The following SRSF6 variants were observed in gnomAD, a reference collection of about 807,000 sequenced individuals.
The protein encoded by SRSF6 is serine/arginine-rich splicing factor 6.
A neutral mutation model predicts 42.0 loss-of-function variants in SRSF6; 17 were observed. That is an observed-to-expected ratio of 0.40 (90% CI 0.28 to 0.61). The LOEUF is 0.61. SRSF6 is among the 20% of genes least tolerant of loss of function. SRSF6 has a pLI of 0.37. For missense variants in SRSF6, 379 were observed against 471.4 expected (o/e 0.80, Z 1.81); for synonymous variants, 204 against 166.7 (o/e 1.22, Z -1.72).
rs1209523826 is a variant in SRSF6, at chr20:43,458,093, C to T, written c.60C>T (p.Arg20=). The T allele has an allele frequency of 5.6e-6, 9 of 1,613,426 alleles. No homozygotes were observed. Among genetic ancestry groups the T allele is most frequent in the Non-Finnish European group, 7.6e-6 (9 of 1,179,652 alleles). The change falls in exon 1 of 6, where the codon CGC becomes CGT. Residue 20 remains arginine (R), a synonymous_variant. Coordinates refer to ENST00000244020, the MANE Select transcript of SRSF6 (RefSeq NM_006275.6). ...SYNVREKDIQ[R]FFSGYGRLLE... ...ACGTCCGGGAGAAGGACATCCAGCGCTTTTTCAGTGGCTATGGCCGCCTCC... is the reference window on the plus strand; with the variant it reads ...ACGTCCGGGAGAAGGACATCCAGCGTTTTTTCAGTGGCTATGGCCGCCTCC...
rs2017555555 is a variant in SRSF6, at chr20:43,459,899, T to C, written c.381+4T>C. 3 of 1,602,496 alleles carry C rather than the reference T, an allele frequency of 1.9e-6. No homozygotes were observed. The highest frequency in any genetic ancestry group is 1.3e-5 in the African/African-American group (1 of 74,292). On this transcript the variant is annotated splice_donor_region_variant and intron_variant, in intron 3 of 5. Coordinates refer to ENST00000244020, the MANE Select transcript of SRSF6 (RefSeq NM_006275.6). ...GTGCAGTTGGCAAGATTTAAAGGTA[T>C]GTTTTGTAATTCAAGATAGAAATGA...
At chr20:43,458,971 A>G (rs2017544342) in intron 2 of SRSF6, among the ~76,000 whole-genome samples, 1 of 152,148 alleles carries the variant, frequency 6.6e-6, no homozygotes, top group African/African-American at 2.4e-5. Flanking sequence ...ACTATTTTTA[A>G]GTAATGTGGT....
At chr20:43,459,090 G>A (rs2017546323) in intron 2 of SRSF6, 1 of 1,330,376 alleles carries the variant, frequency 7.5e-7, no homozygotes, top group Admixed American at 2.0e-5. Flanking sequence ...AATGTTTGAT[G>A]TTTAAATTGT....
rs1285148930 is a variant in SRSF6, at chr20:43,461,170, A to G, written c.*107A>G. The G allele has an allele frequency of 5.6e-5, 77 of 1,376,950 alleles. No homozygotes were observed. The East Asian group carries it at 1.0e-3, about 18-fold the overall frequency. 85.3% of individuals were successfully genotyped at this position (1,376,950 alleles called of 1,614,324 possible). On this transcript the variant is annotated 3_prime_UTR_variant, in exon 6 of 6. Transcript: ENST00000244020. ...TCTGCAAGAGGAATCTCTTGAAAACAGGGGCACACAGAAATTTGATTTGTG... is the reference window on the plus strand; with the variant it reads ...TCTGCAAGAGGAATCTCTTGAAAACGGGGGCACACAGAAATTTGATTTGTG...
At position 43,460,851 on chromosome 20, in the gene SRSF6, A is replaced by G; in HGVS notation, c.823A>G (p.Arg275Gly). 6.2e-7 allele frequency: 1 copy of G among 1,614,226 alleles called. No homozygotes were observed. The highest frequency in any genetic ancestry group is 1.3e-5 in the African/African-American group (1 of 75,052). Reference sequence around the variant, plus strand: ...GGATGAGTATGAGAAATCTCGAAGCAGGTCTCGGTCCCGATCCCCTAAAGA... The same window carrying G: ...GGATGAGTATGAGAAATCTCGAAGCGGGTCTCGGTCCCGATCCCCTAAAGA... ...SKDEYEKSRS[R>G]SRSRSPKENG... Residue 275 changes from arginine (R) to glycine (G), a missense_variant, in exon 6 of 6, where the codon AGG becomes GGG. Physicochemically the swap from Arg to Gly is moderately radical, Grantham distance 125. Transcript: ENST00000244020.
In SRSF6 at chr20:43,461,839, A is replaced by T. The variant is rs1199944944; in HGVS notation, c.*776A>T. ...AGTAATGGAACTTTTTTCAAAGGCA[A>T]ATTTAAACTATTTAAGAAATAGCTC... On this transcript the variant is annotated 3_prime_UTR_variant, in exon 6 of 6. Coordinates refer to ENST00000244020, the MANE Select transcript of SRSF6 (RefSeq NM_006275.6). 1 of 152,466 alleles carries T rather than the reference A, an allele frequency of 6.6e-6. No individual in the cohort carries two copies. The highest frequency in any genetic ancestry group is 2.4e-5 in the African/African-American group (1 of 41,448). 9.4% of individuals were successfully genotyped at this position (152,466 alleles called of 1,614,324 possible). A position where few individuals can be genotyped will look rare whatever the true frequency, so the allele number is the denominator to read the frequency against.
rs1417631503 is a variant in SRSF6 at position 43,458,110 on chromosome 20, G to A, written c.77G>A (p.Gly26Asp). 2 of 1,613,468 alleles carry A rather than the reference G, an allele frequency of 1.2e-6. No individual in the cohort carries two copies. Among genetic ancestry groups the A allele is most frequent in the Non-Finnish European group, 1.7e-6 (2 of 1,179,620 alleles). The stretch of plus-strand genomic sequence containing the variant: ...ATCCAGCGCTTTTTCAGTGGCTATG[G>A]CCGCCTCCTCGAAGTAGACCTCAAA... The part of the protein sequence containing the change: ...KDIQRFFSGY[G>D]RLLEVDLKNG... The change falls in exon 1 of 6, where the codon GGC becomes GAC. Residue 26 changes from glycine to aspartate, a missense_variant. By Grantham distance (94) the Gly-to-Asp change is moderately conservative. Coordinates refer to ENST00000244020, the MANE Select transcript of SRSF6 (RefSeq NM_006275.6).
rs752337938 is a variant in SRSF6, at chr20:43,460,971, G to A, written c.943G>A (p.Val315Met). 8.1e-6 allele frequency: 13 copies of A among 1,614,064 alleles called. No individual in the cohort carries two copies. The South Asian group carries it at 1.4e-4, about 18-fold the overall frequency. Reference protein sequence around the residue: ...LPVPPSKARSVSPPPKRATSR... With the variant: ...LPVPPSKARSMSPPPKRATSR... ...TGTTCCACCCTCAAAGGCCCGTTCTGTGTCCCCTCCACCAAAAAGAGCTAC... is the reference window on the plus strand; with the variant it reads ...TGTTCCACCCTCAAAGGCCCGTTCTATGTCCCCTCCACCAAAAAGAGCTAC... The change falls in exon 6 of 6, where the codon GTG becomes ATG. Residue 315 changes from valine to methionine, a missense_variant. By Grantham distance (21) the Val-to-Met change is conservative (BLOSUM62 1). Around this residue, in one of 3 missense-constraint regions of SRSF6, gnomAD observed 219 missense variants for 216.1 expected, o/e 1.01. Coordinates refer to ENST00000244020, the MANE Select transcript of SRSF6 (RefSeq NM_006275.6).
Position 43,461,334 on chromosome 20 carries a change from G to GTTTTTTTGTT in SRSF6, c.*273_*274insTTTTTGTTTT, listed in dbSNP as rs1196378267. 1 of 56,458 alleles carries GTTTTTTTGTT rather than the reference G, an allele frequency of 1.8e-5. No individual in the cohort carries two copies. Among genetic ancestry groups the GTTTTTTTGTT allele is most frequent in the African/African-American group, 7.4e-5 (1 of 13,540 alleles). 3.5% of individuals were successfully genotyped at this position (56,458 alleles called of 1,614,324 possible). On this transcript the variant is annotated 3_prime_UTR_variant, in exon 6 of 6. Coordinates refer to ENST00000244020, the MANE Select transcript of SRSF6 (RefSeq NM_006275.6). ...TTTGTAAAGATTAAGCTCATTTAGT[G>GTTTTTTTGTT]TTGTTTTTTTTTTTTTTTTTTTTTT...
In SRSF6 at chr20:43,461,369, TTTTTTA is replaced by T. The variant is rs2017595624; in HGVS notation, c.*307_*312del. 1 of 185,570 alleles carries T rather than the reference TTTTTTA, an allele frequency of 5.4e-6. No homozygotes were observed. The highest frequency in any genetic ancestry group is 2.8e-5 in the African/African-American group (1 of 35,564). 11.5% of individuals were successfully genotyped at this position (185,570 alleles called of 1,614,324 possible). On this transcript the variant is annotated 3_prime_UTR_variant, in exon 6 of 6. Coordinates refer to ENST00000244020, the MANE Select transcript of SRSF6 (RefSeq NM_006275.6). ...TTTTTTTTTTTTTTTTTTTTTTTTT[TTTTTTA>T]GTATTTCAGCAGGATCTGCTGGCAG...
At position 43,457,990 on chromosome 20, in the gene SRSF6, C is replaced by T. The variant is rs774530261; in HGVS notation, c.-44C>T. 1.8e-4 allele frequency: 272 copies of T among 1,530,844 alleles called. No individual in the cohort carries two copies. The highest frequency in any genetic ancestry group is 2.0e-4 in the Non-Finnish European group (219 of 1,120,388). 94.8% of individuals were successfully genotyped at this position (1,530,844 alleles called of 1,614,324 possible). A position where few individuals can be genotyped will look rare whatever the true frequency, so the allele number is the denominator to read the frequency against. ...CGCACCGCGGTTACTGGCTTGCGGT[C>T]CGCCGTTCGACAACCAGCCCTTGGG... On this transcript the variant is annotated 5_prime_UTR_variant, in exon 1 of 6. Coordinates refer to ENST00000244020, the MANE Select transcript of SRSF6 (RefSeq NM_006275.6).
At position 43,462,877 on chromosome 20, in the gene SRSF6, A is replaced by G. The variant is rs989683397; in HGVS notation, c.*1814A>G. The G allele has an allele frequency of 2.0e-5, 3 of 152,668 alleles. No individual in the cohort carries two copies. The highest frequency in any genetic ancestry group is 4.4e-5 in the Non-Finnish European group (3 of 68,046). The allele number at this position is 152,668 out of a possible 1,614,324, so 9.5% of individuals were successfully genotyped here. A position where few individuals can be genotyped will look rare whatever the true frequency, so the allele number is the denominator to read the frequency against. On this transcript the variant is annotated 3_prime_UTR_variant, in exon 6 of 6. Transcript: ENST00000244020. ...TTTTCCAGCATAAACCTCAGAATTT[A>G]AGGAAAGAAAATGATGTCTGTTGTT...
chr20:43,464,045 A>G lies in SRSF6; in HGVS notation c.*2982A>G, dbSNP rs546623595. 1.3e-5 allele frequency: 2 copies of G among 152,238 alleles called. No homozygotes were observed. The highest frequency in any genetic ancestry group is 2.9e-5 in the Non-Finnish European group (2 of 68,040). The allele number at this position is 152,238 out of a possible 1,614,324, so 9.4% of individuals were successfully genotyped here. A position where few individuals can be genotyped will look rare whatever the true frequency, so the allele number is the denominator to read the frequency against. On this transcript the variant is annotated 3_prime_UTR_variant, in exon 6 of 6. Coordinates refer to ENST00000244020, the MANE Select transcript of SRSF6 (RefSeq NM_006275.6). Reference sequence around the variant, plus strand: ...GGTTTTCAGTGTTCATGCCCTGAGTAGTAGTCTGCAGTTTGCTTTAATACA... The same window carrying G: ...GGTTTTCAGTGTTCATGCCCTGAGTGGTAGTCTGCAGTTTGCTTTAATACA...
At position 43,460,537 on chromosome 20, in the gene SRSF6, C is replaced by T. The variant is rs752737419; in HGVS notation, c.613C>T (p.Arg205Ter). 1 of 1,614,050 alleles carries T rather than the reference C, an allele frequency of 6.2e-7. No homozygotes were observed. Among genetic ancestry groups the T allele is most frequent in the Non-Finnish European group, 8.5e-7 (1 of 1,179,988 alleles). Residue 205 changes from arginine to a stop codon, truncating the protein, a stop_gained, in exon 5 of 6, where the codon CGA becomes TGA. Transcript: ENST00000244020. LOFTEE classifies it high-confidence loss of function. ...TAGGTCTCGATCTAGAAGACGGTCA[C>T]GAAGTAGGAGTCGCAGGAGCAGCCG... is the stretch of plus-strand genomic sequence containing the variant. ...RSRSRSRRRSRSRSRRSSRSR... is the reference protein window; with the variant it reads ...RSRSRSRRRS
rs1009770453 is a variant in SRSF6 at position 43,460,607 on chromosome 20, C to T, written c.674+9C>T. On this transcript the variant is annotated intron_variant, in intron 5 of 5. Transcript: ENST00000244020. ...TCAAAAAGTCGCTCCCGGTAAATAA[C>T]GTTGTGTTGAGTCACTGTGAATATT... 5.0e-6 allele frequency: 8 copies of T among 1,613,982 alleles called. No homozygotes were observed. In the East Asian group the frequency reaches 6.7e-5, roughly 13 times the overall value.
rs755672187 is a variant in SRSF6, at chr20:43,461,019, C to T, written c.991C>T (p.Arg331Cys). 11 of 1,604,456 alleles carry T rather than the reference C, an allele frequency of 6.9e-6. No individual in the cohort carries two copies. The highest frequency in any genetic ancestry group is 6.7e-5 in the South Asian group (6 of 89,644). ...TACTTCAAGATCCCGTTCTAGATCT[C>T]GCTCAAAGTCAAGATCAAGGTCCAG... ...RATSRSRSRSRSKSRSRSRSS... is the reference protein window; with the variant it reads ...RATSRSRSRSCSKSRSRSRSS... The change falls in exon 6 of 6, where the codon CGC (arginine) becomes TGC (cysteine). Residue 331 changes from arginine to cysteine, a missense_variant. Transcript: ENST00000244020.
At chr20:43,460,423 A>T in intron 4 of SRSF6, 92 bp from the exon 5 acceptor site, 3 of 1,457,366 alleles carry the variant, frequency 2.1e-6, no homozygotes, top group South Asian at 2.4e-5. Context: ...GTAAAGAAAA[A>T]CATTATTCTT....
At position 43,460,788 on chromosome 20, in the gene SRSF6, G is replaced by A. The variant is rs1269034375; in HGVS notation, c.760G>A (p.Asp254Asn). 1 of 1,614,180 alleles carries A rather than the reference G, an allele frequency of 6.2e-7. No homozygotes were observed. Among genetic ancestry groups the A allele is most frequent in the Non-Finnish European group, 8.5e-7 (1 of 1,180,038 alleles). ...RSKSKSKPKS[D>N]RGSHSHSRSR... is the part of the protein sequence containing the mutation. ...AAAGAGCAAATCTAAGCCCAAGTCTGATCGGGGCTCCCATTCACATTCTCG... is the reference window on the plus strand; with the variant it reads ...AAAGAGCAAATCTAAGCCCAAGTCTAATCGGGGCTCCCATTCACATTCTCG... The change falls in exon 6 of 6, where the codon GAT becomes AAT. Residue 254 changes from aspartate (D) to asparagine (N), a missense_variant. Coordinates refer to ENST00000244020, the MANE Select transcript of SRSF6 (RefSeq NM_006275.6).
intron 2 of SRSF6, chr20:43,459,232 G>A: frequency 7.4e-7 from 1 of 1,352,130 alleles, no homozygotes; most frequent in Non-Finnish European, 9.8e-7. Context: ...TCCATACATT[G>A]TGTGACCCTT....
Sources: allele counts gnomAD v4.1 joint callset (sites outside exome capture counted in the v4.1 genomes callset), GRCh38; gene constraint gnomAD v4.1.1; regional missense constraint gnomAD v4.1.1; transcripts MANE v1.5; gene names NCBI Gene and HGNC (gene_info 2026-07-23, HGNC 2026-07-21).